Variants in ESCO1 observed in about 807,000 individuals in gnomAD.
The protein encoded by ESCO1 is establishment of sister chromatid cohesion N-acetyltransferase 1, also known as N-acetyltransferase ESCO1.
In ESCO1, 33 loss-of-function variants were observed where a neutral mutation model predicts 83.5. The observed-to-expected ratio is 0.40, with a 90% confidence interval of 0.30 to 0.53. ESCO1 has a LOEUF of 0.53. ESCO1 is among the 20% of genes least tolerant of loss of function. ESCO1 has a pLI of 0.63. For missense variants in ESCO1, 855 were observed against 968.0 expected, an observed-to-expected ratio of 0.88 and a Z score of 1.55; for synonymous variants, 332 against 324.3, an observed-to-expected ratio of 1.02 and a Z score of -0.25.
intron 8 of ESCO1, among the ~76,000 whole-genome samples, chr18:21,544,943 G>A (rs1162511388): frequency 6.6e-6 from 1 of 152,224 alleles, no homozygotes; most frequent in Non-Finnish European, 1.5e-5. Context: ...AGTAGTGACT[G>A]TAACAGGAGC....
chr18:21,598,724 C>G (rs1395094487), intron 1 of ESCO1, among the ~76,000 whole-genome samples: 1 of 151,804 alleles, frequency 6.6e-6, no homozygotes, highest in African/African-American at 2.4e-5. Flanking sequence ...CAAACAATTA[C>G]TTGTTCACTA....
intron 1 of ESCO1, among the ~76,000 whole-genome samples, chr18:21,594,215 ACCT>A (rs2038727612): frequency 2.0e-5 from 3 of 152,220 alleles, no homozygotes; most frequent in African/African-American, 7.2e-5. Flanking sequence ...ATTACAGGAT[ACCT>A]GCTGCTTGAG....
chr18:21,581,402 T>G (rs933526081), intron 2 of ESCO1, among the ~76,000 whole-genome samples: 7 of 151,378 alleles, frequency 4.6e-5, no homozygotes, highest in African/African-American at 1.5e-4. Flanking sequence ...AGTTCCAACA[T>G]ATGAATTTGT....
chr18:21,587,348 T>C (rs1200273651), intron 1 of ESCO1, among the ~76,000 whole-genome samples: 1 of 152,218 alleles, frequency 6.6e-6, no homozygotes, highest in Non-Finnish European at 1.5e-5. Context: ...AATTCTTCTT[T>C]AAATGTTTGG....
chr18:21,580,148 C>T (rs1472768397), intron 2 of ESCO1, among the ~76,000 whole-genome samples: 3 of 152,062 alleles, frequency 2.0e-5, no homozygotes, highest in Non-Finnish European at 4.4e-5. Context: ...ATCCAACCGC[C>T]TCGGCTTCCC....
intron 7 of ESCO1, among the ~76,000 whole-genome samples, chr18:21,562,873 TA>T (rs1028928173): frequency 1.2e-4 from 18 of 151,444 alleles, no homozygotes; most frequent in African/African-American, 4.1e-4. Flanking sequence ...TCCATGTTAT[TA>T]TTTTTTTTTT....
intron 8 of ESCO1, among the ~76,000 whole-genome samples, chr18:21,544,734 A>C (rs1177397562): frequency 6.6e-6 from 1 of 152,192 alleles, no homozygotes; most frequent in Non-Finnish European, 1.5e-5. Context: ...ATTATCCATG[A>C]ATTGTTGAAG....
At chr18:21,534,599 C>A (rs1473270510) in intron 10 of ESCO1, among the ~76,000 whole-genome samples, 1 of 150,468 alleles carries the variant, frequency 6.6e-6, no homozygotes, top group Admixed American at 6.6e-5. Flanking sequence ...CAGAGTTCAA[C>A]AAAGGAAGTG....
At chr18:21,595,791 G>T (rs2038757594) in intron 1 of ESCO1, among the ~76,000 whole-genome samples, 1 of 150,668 alleles carries the variant, frequency 6.6e-6, no homozygotes, top group Non-Finnish European at 1.5e-5. Context: ...GTGAAACCTC[G>T]TCTCTACTAA....
intron 2 of ESCO1, among the ~76,000 whole-genome samples, chr18:21,580,973 A>G (rs992534454): frequency 2.9e-5 from 4 of 138,556 alleles, no homozygotes; most frequent in African/African-American, 1.1e-4. Context: ...CTGGGCAACA[A>G]GAGCAAAACT....
Position 21,573,213 on chromosome 18 carries a change from T to C in ESCO1, c.1530+101A>G. 3.3e-6 allele frequency: 4 copies of C among 1,202,016 alleles called. No homozygotes were observed. In the East Asian group the frequency reaches 1.0e-4, roughly 30 times the overall value. 74.5% of individuals were successfully genotyped at this position (1,202,016 alleles called of 1,614,324 possible). The stretch of plus-strand genomic sequence containing the variant: ...CTTAACAGGAGAACTTAAACAACTC[T>C]TCAATCTTTTATGACTTCATTCTTA... On this transcript the variant is annotated intron_variant, in intron 4 of 11. Coordinates refer to ENST00000269214, the MANE Select transcript of ESCO1 (RefSeq NM_052911.3).
chr18:21,579,008 G>C (rs931465858), intron 2 of ESCO1, among the ~76,000 whole-genome samples: 1 of 152,062 alleles, frequency 6.6e-6, no homozygotes, highest in East Asian at 1.9e-4. Flanking sequence ...TTACAGGCAC[G>C]CACCACTACA....
At chr18:21,586,259 C>T (rs1003797896) in intron 1 of ESCO1, among the ~76,000 whole-genome samples, 1 of 152,190 alleles carries the variant, frequency 6.6e-6, no homozygotes, top group Admixed American at 6.5e-5. Flanking sequence ...TTGTGGCTCC[C>T]ACATAAGAAC....
chr18:21,583,558 C>G (rs952427502), intron 2 of ESCO1, among the ~76,000 whole-genome samples: 8 of 151,438 alleles, frequency 5.3e-5, no homozygotes, highest in African/African-American at 1.9e-4. Context: ...GCAGGAGAAC[C>G]GCTTGAACCC....
rs776091881 is a variant in ESCO1, at chr18:21,574,186, A to G, written c.658T>C (p.Cys220Arg). Reference sequence around the variant, plus strand: ...GGACACTTTTCAGATCCTTGCGTGCATTGAGAACTACAAGCACAAGCTGTC... The same window carrying G: ...GGACACTTTTCAGATCCTTGCGTGCGTTGAGAACTACAAGCACAAGCTGTC... Reference protein sequence around the residue: ...HQTACACSSQCTQGSEKCPQK... With the variant: ...HQTACACSSQRTQGSEKCPQK... Residue 220 changes from cysteine to arginine, a missense_variant, in exon 4 of 12, where the codon TGC (cysteine) becomes CGC (arginine). Physicochemically the swap from Cys to Arg is radical, Grantham distance 180 (BLOSUM62 -3). Coordinates refer to ENST00000269214, the MANE Select transcript of ESCO1 (RefSeq NM_052911.3). 5 of 1,613,836 alleles carry G rather than the reference A, an allele frequency of 3.1e-6. No homozygotes were observed. The South Asian group carries it at 4.4e-5, about 14-fold the overall frequency.
intron 11 of ESCO1, among the ~76,000 whole-genome samples, chr18:21,530,769 T>C (rs977568411): frequency 1.3e-5 from 2 of 152,174 alleles, no homozygotes; most frequent in Admixed American, 1.3e-4. Flanking sequence ...TTCCTCAACC[T>C]GATCAAAGAC....
At chr18:21,589,953 G>A (rs893088667) in intron 1 of ESCO1, among the ~76,000 whole-genome samples, 3 of 146,626 alleles carry the variant, frequency 2.0e-5, no homozygotes, top group Non-Finnish European at 3.0e-5. Flanking sequence ...TTAGCCTCCC[G>A]AGTAGCTGGG....
intron 4 of ESCO1, among the ~76,000 whole-genome samples, chr18:21,569,632 C>T (rs2038313312): frequency 6.6e-6 from 1 of 152,022 alleles, no homozygotes; most frequent in Non-Finnish European, 1.5e-5. Context: ...GTAATCCCAG[C>T]TACTTGGGAG....
intron 7 of ESCO1, among the ~76,000 whole-genome samples, chr18:21,563,031 C>T (rs1165200862): frequency 1.3e-5 from 2 of 151,536 alleles, no homozygotes; most frequent in African/African-American, 2.4e-5. Context: ...ATCACCACGC[C>T]CAGCTAATTT....
Sources: allele counts gnomAD v4.1 joint callset (sites outside exome capture counted in the v4.1 genomes callset), GRCh38; gene constraint gnomAD v4.1.1; transcripts MANE v1.5; gene names NCBI Gene and HGNC (gene_info 2026-07-23, HGNC 2026-07-21).